Variants in OR5A2 observed in about 807,000 individuals in gnomAD.
OR5A2 encodes olfactory receptor 5A2.
For missense variants in OR5A2, 406 were observed against 398.9 expected (o/e 1.02, Z -0.15); for synonymous variants, 155 against 151.1 (o/e 1.03, Z -0.19).
rs1269125162 is a variant in OR5A2 at position 59,422,441 on chromosome 11, C to A, written c.513G>T (p.Gly171=). Residue 171 remains glycine, a synonymous_variant, in exon 2 of 2, where the codon GGG becomes GGT. Coordinates refer to ENST00000302040, the MANE Select transcript of OR5A2 (RefSeq NM_001001954.2). ...AGAAAAAGTGGTTGATCATATAGGG[C>A]CCACAGAAATCATGCTGATAGACAG... ...TYSVYQHDFC[G]PYMINHFFCD... 1.2e-6 allele frequency: 2 copies of A among 1,613,962 alleles called. No individual in the cohort carries two copies. The highest frequency in any genetic ancestry group is 1.3e-5 in the African/African-American group (1 of 74,884).
rs1858212288 is a variant in OR5A2 at position 59,420,810 on chromosome 11, T to C, written c.*1169A>G. 1 of 152,200 alleles carries C rather than the reference T, an allele frequency of 6.6e-6. No individual in the cohort carries two copies. Among genetic ancestry groups the C allele is most frequent in the Non-Finnish European group, 1.5e-5 (1 of 68,020 alleles). 9.4% of individuals were successfully genotyped at this position (152,200 alleles called of 1,614,324 possible). A position where few individuals can be genotyped will look rare whatever the true frequency, so the allele number is the denominator to read the frequency against. ...GAATTAATCACAGCCCTGGTAAAAA[T>C]AGAGAACTTTTCATCCCAAATGAGC... On this transcript the variant is annotated 3_prime_UTR_variant, in exon 2 of 2. Coordinates refer to ENST00000302040, the MANE Select transcript of OR5A2 (RefSeq NM_001001954.2).
At position 59,422,011 on chromosome 11, in the gene OR5A2, C is replaced by T. The variant is rs370854257; in HGVS notation, c.943G>A (p.Gly315Ser). Reference sequence around the variant, plus strand: ...AAGGTCATAAAAATGAATGGTCCACCGTGAGAAATCCCGGGGTCCCTTTCC... The same window carrying T: ...AAGGTCATAAAAATGAATGGTCCACTGTGAGAAATCCCGGGGTCCCTTTCC... ...AMERDPGISH[G>S]GPFIFMTLG The change falls in exon 2 of 2, where the codon GGT becomes AGT. Residue 315 changes from glycine to serine, a missense_variant. By Grantham distance (56) the Gly-to-Ser change is moderately conservative. Coordinates refer to ENST00000302040, the MANE Select transcript of OR5A2 (RefSeq NM_001001954.2). 16 of 1,612,284 alleles carry T rather than the reference C, an allele frequency of 9.9e-6. No homozygotes were observed. The highest frequency in any genetic ancestry group is 3.3e-5 in the South Asian group (3 of 90,812).
intron 1 of OR5A2, chr11:59,425,315 G>A (rs2134525322): frequency 6.6e-6 from 1 of 152,482 alleles, no homozygotes; most frequent in East Asian, 1.9e-4. Flanking sequence ...TGGGATGGCA[G>A]AACTGGTTGA....
chr11:59,422,104 G>A lies in OR5A2; in HGVS notation c.850C>T (p.Pro284Ser), dbSNP rs182325151. 141 of 1,614,020 alleles carry A rather than the reference G, an allele frequency of 8.7e-5. 1 individual carries two copies. Among genetic ancestry groups the A allele is most frequent in the Non-Finnish European group, 1.1e-4 (132 of 1,180,002 alleles). ...CTGTAGATGATGGGATTCACCACGG[G>A]GATCACCAAGGCATAGAATATGGAC... ...VVSIFYALVI[P>S]VVNPIIYSFR... The change falls in exon 2 of 2, where the codon CCC becomes TCC. Residue 284 changes from proline (P) to serine (S), a missense_variant. Physicochemically the swap from Pro to Ser is moderately conservative, Grantham distance 74 (BLOSUM62 -1). Coordinates refer to ENST00000302040, the MANE Select transcript of OR5A2 (RefSeq NM_001001954.2).
Position 59,422,268 on chromosome 11 carries a change from A to G in OR5A2, c.686T>C (p.Ile229Thr). ...CTTTGTCCTACCTGTAGCTGAGCTGATCTTCACAACAGCAGCAACAATGTA... is the reference window on the plus strand; with the variant it reads ...CTTTGTCCTACCTGTAGCTGAGCTGGTCTTCACAACAGCAGCAACAATGTA... ...YGYIVAAVVK[I>T]SSATGRTKAF... The change falls in exon 2 of 2, where the codon ATC becomes ACC. Residue 229 changes from isoleucine (I) to threonine (T), a missense_variant. Ile to Thr is a moderately conservative substitution (Grantham distance 89). Transcript: ENST00000302040. 2 of 1,614,132 alleles carry G rather than the reference A, an allele frequency of 1.2e-6. No homozygotes were observed. The highest frequency in any genetic ancestry group is 1.6e-4 in the Middle Eastern group (1 of 6,062).
rs746637498 is a variant in OR5A2, at chr11:59,418,961, C to T, written c.*3018G>A. 7 of 152,008 alleles carry T rather than the reference C, an allele frequency of 4.6e-5. No homozygotes were observed. The highest frequency in any genetic ancestry group is 2.6e-4 in the Admixed American group (4 of 15,248). 9.4% of individuals were successfully genotyped at this position (152,008 alleles called of 1,614,324 possible). ...AGACATTTTCATTAGTTAATTGTGTCGCTTCAATGACTACCATTTTGAAAA... is the reference window on the plus strand; with the variant it reads ...AGACATTTTCATTAGTTAATTGTGTTGCTTCAATGACTACCATTTTGAAAA... On this transcript the variant is annotated 3_prime_UTR_variant, in exon 2 of 2. Transcript: ENST00000302040.
intron 1 of OR5A2, chr11:59,423,262 G>T (rs1235110461): frequency 3.9e-6 from 1 of 258,650 alleles, no homozygotes; most frequent in Non-Finnish European, 7.4e-6. Context: ...ACTTGCTGAG[G>T]ACTTTGGAAA....
At position 59,422,678 on chromosome 11, in the gene OR5A2, G is replaced by A. The variant is rs144850844; in HGVS notation, c.276C>T (p.Thr92=). Reference sequence around the variant, plus strand: ...GAGTGGCACAGCCAACAAAGGAAATGGTTTTCTGCTCTGTGATGATGTCAG... The same window carrying A: ...GAGTGGCACAGCCAACAAAGGAAATAGTTTTCTGCTCTGTGATGATGTCAG... ...MLSDIITEQK[T]ISFVGCATQY... The change falls in exon 2 of 2, where the codon ACC becomes ACT. Residue 92 remains threonine, a synonymous_variant. Transcript: ENST00000302040. The A allele has an allele frequency of 1.8e-4, 283 of 1,614,132 alleles. No homozygotes were observed. Among genetic ancestry groups the A allele is most frequent in the Non-Finnish European group, 2.3e-4 (276 of 1,180,006 alleles).
In OR5A2 at chr11:59,422,809, G is replaced by A. The variant is rs764007776; in HGVS notation, c.145C>T (p.Leu49Phe). The A allele has an allele frequency of 1.9e-6, 3 of 1,614,014 alleles. No individual in the cohort carries two copies. Among genetic ancestry groups the A allele is most frequent in the Non-Finnish European group, 2.5e-6 (3 of 1,180,016 alleles). ...TLAWNLSLIA[L>F]IKMDSHLHMP... ...TGCAGGTGAGAGTCCATCTTAATGAGGGCAATGAGGCTTAAGTTCCAGGCC... is the reference window on the plus strand; with the variant it reads ...TGCAGGTGAGAGTCCATCTTAATGAAGGCAATGAGGCTTAAGTTCCAGGCC... Residue 49 changes from leucine (L) to phenylalanine (F), a missense_variant, in exon 2 of 2, where the codon CTC (leucine) becomes TTC (phenylalanine). Transcript: ENST00000302040.
At position 59,417,170 on chromosome 11, in the gene OR5A2, C is replaced by T. The variant is rs1480391168; in HGVS notation, c.*4809G>A. The T allele has an allele frequency of 1.3e-5, 2 of 152,004 alleles. No individual in the cohort carries two copies. Among genetic ancestry groups the T allele is most frequent in the Non-Finnish European group, 2.9e-5 (2 of 67,982 alleles). The allele number at this position is 152,004 out of a possible 1,614,324, so 9.4% of individuals were successfully genotyped here. A position where few individuals can be genotyped will look rare whatever the true frequency, so the allele number is the denominator to read the frequency against. On this transcript the variant is annotated 3_prime_UTR_variant, in exon 2 of 2. Transcript: ENST00000302040. ...TTTTCTATGAGGTCTCCCCGGGTCCCAGCTGCCGGTTTATTTATAGAATGT... is the reference window on the plus strand; with the variant it reads ...TTTTCTATGAGGTCTCCCCGGGTCCTAGCTGCCGGTTTATTTATAGAATGT...
chr11:59,422,395 C>A lies in OR5A2; in HGVS notation c.559G>T (p.Ala187Ser). ...HFFCDLPPVL[A>S]LSCSDTFTSE... ...GTGAAGGTATCAGAGCAGGACAGAG[C>A]CAGGACTGGAGGGAGGTCACAGAAA... is the stretch of plus-strand genomic sequence containing the variant. The change falls in exon 2 of 2, where the codon GCT (alanine) becomes TCT (serine). Residue 187 changes from alanine to serine, a missense_variant. Transcript: ENST00000302040. 1.2e-6 allele frequency: 2 copies of A among 1,614,086 alleles called. No individual in the cohort carries two copies. The highest frequency in any genetic ancestry group is 1.7e-6 in the Non-Finnish European group (2 of 1,180,004).
chr11:59,420,479 A>T lies in OR5A2; in HGVS notation c.*1500T>A, dbSNP rs1319011358. 1 of 152,184 alleles carries T rather than the reference A, an allele frequency of 6.6e-6. No homozygotes were observed. The highest frequency in any genetic ancestry group is 2.4e-5 in the African/African-American group (1 of 41,456). 9.4% of individuals were successfully genotyped at this position (152,184 alleles called of 1,614,324 possible). On this transcript the variant is annotated 3_prime_UTR_variant, in exon 2 of 2. Transcript: ENST00000302040. ...ACCTCTGGGACATTTTCTATTCACA[A>T]TGCAGTATTCTAAGTATTTACATGT...
chr11:59,425,849 A>T (rs974058920), intron 1 of OR5A2: 2 of 152,228 alleles, frequency 1.3e-5, no homozygotes, highest in African/African-American at 4.8e-5. Context: ...AGAGTTTACC[A>T]GAAGGGTTTG....
rs148576774 is a variant in OR5A2, at chr11:59,422,719, C to T, written c.235G>A (p.Ala79Thr). 66 of 1,613,994 alleles carry T rather than the reference C, an allele frequency of 4.1e-5. No homozygotes were observed. The highest frequency in any genetic ancestry group is 1.7e-4 in the Admixed American group (10 of 59,994). The change falls in exon 2 of 2, where the codon GCC (alanine) becomes ACC (threonine). Residue 79 changes from alanine to threonine, a missense_variant. Ala to Thr is a moderately conservative substitution (Grantham distance 58). Coordinates refer to ENST00000302040, the MANE Select transcript of OR5A2 (RefSeq NM_001001954.2). The part of the protein sequence containing the change: ...FLDICYVSST[A>T]PKMLSDIITE... ...ATGATGTCAGACAGCATCTTAGGGG[C>T]GGTGGAGGACACATAGCAGATGTCC...
At position 59,417,468 on chromosome 11, in the gene OR5A2, G is replaced by A. The variant is rs1590604809; in HGVS notation, c.*4511C>T. 6.6e-6 allele frequency: 1 copy of A among 152,136 alleles called. No homozygotes were observed. The allele number at this position is 152,136 out of a possible 1,614,324, so 9.4% of individuals were successfully genotyped here. A position where few individuals can be genotyped will look rare whatever the true frequency, so the allele number is the denominator to read the frequency against. On this transcript the variant is annotated 3_prime_UTR_variant, in exon 2 of 2. Coordinates refer to ENST00000302040, the MANE Select transcript of OR5A2 (RefSeq NM_001001954.2). Reference sequence around the variant, plus strand: ...AGAGGGTAGAATAAAGGCAGCAAAGGTCAATATAAACACCTGGCTTATCAT... The same window carrying A: ...AGAGGGTAGAATAAAGGCAGCAAAGATCAATATAAACACCTGGCTTATCAT...
At position 59,422,495 on chromosome 11, in the gene OR5A2, TCCACCCACATAGGCGCCAA is replaced by T. The variant is rs1266718290; in HGVS notation, c.440_458del (p.Val147AspfsTer22). On this transcript the variant is annotated frameshift_variant, in exon 2 of 2. Transcript: ENST00000302040. LOFTEE classifies it low-confidence loss of function (END_TRUNC). ...ATGTTTCAATGAAAGAACTAAGGAATCCACCCACATAGGCGCCAACCACCATCTTTAAACAAAGTGTATG... is the reference window on the plus strand; with the variant it reads ...ATGTTTCAATGAAAGAACTAAGGAATCCACCATCTTTAAACAAAGTGTATG... The T allele has an allele frequency of 1.9e-6, 3 of 1,613,778 alleles. No homozygotes were observed. In the African/African-American group the frequency reaches 4.0e-5, roughly 22 times the overall value.
intron 1 of OR5A2, chr11:59,423,487 GT>G (rs1172054048): frequency 6.6e-6 from 1 of 152,586 alleles, no homozygotes; most frequent in Non-Finnish European, 1.5e-5. Context: ...ACTGAATTTA[GT>G]GGGCTACAAT....
Position 59,422,583 on chromosome 11 carries a change from T to G in OR5A2, c.371A>C (p.Tyr124Ser). 5 of 1,614,186 alleles carry G rather than the reference T, an allele frequency of 3.1e-6. No individual in the cohort carries two copies. Among genetic ancestry groups the G allele is most frequent in the Non-Finnish European group, 3.4e-6 (4 of 1,180,018 alleles). ...AAGCAAGGGGTTGCAGATTGCAGCATACCGGTCATAGGCCATAGCTGCCAG... is the reference window on the plus strand; with the variant it reads ...AAGCAAGGGGTTGCAGATTGCAGCAGACCGGTCATAGGCCATAGCTGCCAG... ...FLLAAMAYDRYAAICNPLLYT... is the reference protein window; with the variant it reads ...FLLAAMAYDRSAAICNPLLYT... The change falls in exon 2 of 2, where the codon TAT becomes TCT. Residue 124 changes from tyrosine to serine, a missense_variant. Tyr to Ser is a moderately radical substitution (Grantham distance 144). Transcript: ENST00000302040.
At chr11:59,423,171 C>A in intron 1 of OR5A2, 127 bp from the exon 2 acceptor site, 2 of 501,094 alleles carry the variant, frequency 4.0e-6, no homozygotes, top group Non-Finnish European at 7.1e-6. Context: ...TGCTTGTTGA[C>A]CAAAAGAGAA....
Sources: gnomAD v4.1 joint callset for allele counts on GRCh38, gnomAD v4.1.1 for gene constraint, MANE v1.5 for transcripts, NCBI Gene and HGNC (gene_info 2026-07-23, HGNC 2026-07-21) for gene names.